SCN8A: variants seen among roughly 807,000 people sequenced by gnomAD.
SCN8A encodes sodium channel protein type 8 subunit alpha.
A neutral mutation model predicts 184.1 loss-of-function variants in SCN8A; 30 were observed. The observed-to-expected ratio is 0.16, with a 90% CI of 0.12 to 0.22. The LOEUF (loss-of-function observed/expected upper bound fraction) is 0.22. Among genes scored for constraint, SCN8A ranks in the 10% least tolerant of loss-of-function variants. The pLI, the probability that SCN8A is intolerant of heterozygous loss-of-function variation, is 1.00. For synonymous variants in SCN8A, 852 were observed against 907.0 expected (o/e 0.94, Z 1.09); for missense variants, 1,057 against 2,498.9 (o/e 0.42, Z 12.30).
chr12:51,688,914 T>C, intron 5 of SCN8A, 91 bp from the exon 6 acceptor site: 2 of 1,570,658 alleles, frequency 1.3e-6, no homozygotes. Context: ...ATTGTACTTT[T>C]TGTTTTGTTG....
intron 12 of SCN8A, among the ~76,000 whole-genome samples, chr12:51,741,927 CT>C: frequency 6.6e-6 from 1 of 152,142 alleles, no homozygotes; most frequent in East Asian, 1.9e-4. Flanking sequence ...TGGTCTCAAA[CT>C]TCTGACCTCA....
chr12:51,684,266 A>C lies in SCN8A; in HGVS notation c.369A>C (p.Arg123Ser). Residue 123 changes from arginine to serine, a missense_variant, in exon 3 of 27, where the codon AGA (arginine) becomes AGC (serine). Arg to Ser is a moderately radical substitution (Grantham distance 110). Transcript: ENST00000627620. Reference protein sequence around the residue: ...YILSPFNLIRRIAIKILIHSV... With the variant: ...YILSPFNLIRSIAIKILIHSV... Reference sequence around the variant, plus strand: ...TAAGTCCTTTTAACCTGATAAGAAGAATAGCTATTAAAATTTTGATACATT... The same window carrying C: ...TAAGTCCTTTTAACCTGATAAGAAGCATAGCTATTAAAATTTTGATACATT... The C allele has an allele frequency of 6.3e-7, 1 of 1,586,056 alleles. No homozygotes were observed. The highest frequency in any genetic ancestry group is 8.7e-7 in the Non-Finnish European group (1 of 1,154,494).
chr12:51,684,369 G>A (rs1941385378), intron 3 of SCN8A, 77 bp downstream of exon 3: 1 of 769,498 alleles, frequency 1.3e-6, no homozygotes. Context: ...TTTGACAACT[G>A]GATTATATGT....
chr12:51,668,782 C>G (rs1025899003), intron 2 of SCN8A, among the ~76,000 whole-genome samples: 2 of 152,174 alleles, frequency 1.3e-5, no homozygotes, highest in African/African-American at 2.4e-5. Flanking sequence ...CTTTCTACCA[C>G]TTGTTACTTT....
intron 6 of SCN8A, among the ~76,000 whole-genome samples, chr12:51,693,990 C>T (rs1294219347): frequency 3.9e-5 from 6 of 152,116 alleles, no homozygotes; most frequent in African/African-American, 7.2e-5. Context: ...TGGAGTGCAA[C>T]GGCCTGATCT....
At position 51,768,186 on chromosome 12, in the gene SCN8A, A is replaced by C. The variant is rs1942866657; in HGVS notation, c.2902-679A>C. ...CACTCCTAAAAAGTAAGTCTTAATA[A>C]AAATAAATTAATTAACCTTAATGTT... is the stretch of plus-strand genomic sequence containing the variant. On this transcript the variant is annotated intron_variant, in intron 16 of 26. Transcript: ENST00000627620. The C allele has an allele frequency of 2.0e-5, 3 of 152,232 alleles. No homozygotes were observed. The South Asian group carries it at 6.2e-4, about 32-fold the overall frequency. The allele number at this position is 152,232 out of a possible 1,614,324, so 9.4% of individuals were successfully genotyped here. A position where few individuals can be genotyped will look rare whatever the true frequency, so the allele number is the denominator to read the frequency against.
intron 26 of SCN8A, among the ~76,000 whole-genome samples, chr12:51,802,405 CA>C (rs35303376): frequency 0.18 from 27,123 of 152,172 alleles, 2,995 homozygotes; most frequent in Non-Finnish European, 0.25. Context: ...AGGGTCCTCC[CA>C]CACATCCCTA....
intron 12 of SCN8A, among the ~76,000 whole-genome samples, chr12:51,723,999 T>G (rs1942116709): frequency 6.6e-6 from 1 of 152,178 alleles, no homozygotes; most frequent in Admixed American, 6.5e-5. Context: ...ACCCTAATCT[T>G]CCGTGTGCCA....
chr12:51,696,736 A>G (rs1941598946), intron 6 of SCN8A, among the ~76,000 whole-genome samples: 1 of 152,118 alleles, frequency 6.6e-6, no homozygotes, highest in Non-Finnish European at 1.5e-5. Flanking sequence ...TTGATTTGAA[A>G]CACAATAGGT....
chr12:51,786,800 G>A lies in SCN8A; in HGVS notation c.4201G>A (p.Ala1401Thr), dbSNP rs775720133. The A allele has an allele frequency of 6.2e-7, 1 of 1,613,728 alleles. No homozygotes were observed. The highest frequency in any genetic ancestry group is 2.2e-5 in the East Asian group (1 of 44,886). ...NVKINFDNVGAGYLALLQVAT... is the reference protein window; with the variant it reads ...NVKINFDNVGTGYLALLQVAT... The stretch of plus-strand genomic sequence containing the variant: ...GAAGATCAACTTTGACAATGTTGGG[G>A]CAGGATACCTGGCCCTTCTTCAAGT... The change falls in exon 22 of 27, where the codon GCA becomes ACA. Residue 1401 changes from alanine (A) to threonine (T), a missense_variant. Physicochemically the swap from Ala to Thr is moderately conservative, Grantham distance 58 (BLOSUM62 0). This residue lies in a region of SCN8A where 37 missense variants were observed against 216.1 expected (regional missense o/e 0.17). Coordinates refer to ENST00000627620, the MANE Select transcript of SCN8A (RefSeq NM_001330260.2).
At chr12:51,754,873 A>G (rs1251155747) in intron 14 of SCN8A, among the ~76,000 whole-genome samples, 1 of 152,186 alleles carries the variant, frequency 6.6e-6, no homozygotes, top group East Asian at 1.9e-4. Context: ...ACCAGTTGGC[A>G]TGTAGCTTCC....
intron 1 of SCN8A, among the ~76,000 whole-genome samples, chr12:51,647,340 ACATGTAAGT>A (rs1940612772): frequency 6.6e-6 from 1 of 152,250 alleles, no homozygotes; most frequent in African/African-American, 2.4e-5. Flanking sequence ...GGGAAGACAT[ACATGTAAGT>A]CAACCAAGAG....
At chr12:51,685,765 G>T (rs1941409108) in intron 3 of SCN8A, among the ~76,000 whole-genome samples, 1 of 152,130 alleles carries the variant, frequency 6.6e-6, no homozygotes, top group Admixed American at 6.5e-5. Flanking sequence ...GGCTGGGTAT[G>T]ATGGCTCAGG....
At chr12:51,605,908 TG>T (rs1477418031) in intron 1 of SCN8A, among the ~76,000 whole-genome samples, 4 of 152,242 alleles carry the variant, frequency 2.6e-5, no homozygotes, top group African/African-American at 9.6e-5. Context: ...GAGAATTGTC[TG>T]TTCATGTCCT....
At chr12:51,665,409 T>C (rs1439968834) in intron 2 of SCN8A, among the ~76,000 whole-genome samples, 2 of 152,238 alleles carry the variant, frequency 1.3e-5, no homozygotes, top group Non-Finnish European at 2.9e-5. Flanking sequence ...ATAACTTTAA[T>C]AATTTTTTTT....
At chr12:51,746,064 G>C (rs370783899) in intron 13 of SCN8A, 29 bp downstream of exon 13, 12 of 1,556,826 alleles carry the variant, frequency 7.7e-6, no homozygotes, top group Non-Finnish European at 1.0e-5. Flanking sequence ...CAGTCCAACC[G>C]CTGAGATATA....
intron 13 of SCN8A, among the ~76,000 whole-genome samples, chr12:51,748,274 T>G (rs980895250): frequency 6.6e-6 from 1 of 152,194 alleles, no homozygotes; most frequent in African/African-American, 2.4e-5. Flanking sequence ...ATTAAAATAA[T>G]TATTATTTAA....
Position 51,806,151 on chromosome 12 carries a change from A to C in SCN8A, c.4796-131A>C. 2.4e-6 allele frequency: 2 copies of C among 847,238 alleles called. No individual in the cohort carries two copies. The highest frequency in any genetic ancestry group is 3.5e-6 in the Non-Finnish European group (2 of 572,058). 52.5% of individuals were successfully genotyped at this position (847,238 alleles called of 1,614,324 possible). The stretch of plus-strand genomic sequence containing the variant: ...CCAAAATGTCACTTTTTGAGAGTTC[A>C]GACTGAATAGTAAGGCACTTATTCT... On this transcript the variant is annotated intron_variant, in intron 26 of 26. Transcript: ENST00000627620. The surrounding 1 kb of genome is among the most constrained non-coding windows in gnomAD (Gnocchi z 8.7).
intron 6 of SCN8A, among the ~76,000 whole-genome samples, chr12:51,693,269 C>T (rs1941541023): frequency 2.0e-5 from 3 of 152,200 alleles, no homozygotes; most frequent in African/African-American, 7.2e-5. Context: ...TTGTATTTCT[C>T]CTTTTCCCAC....
Sources: allele counts gnomAD v4.1 joint callset (sites outside exome capture counted in the v4.1 genomes callset), GRCh38; gene constraint gnomAD v4.1.1; regional missense constraint gnomAD v4.1.1; non-coding constraint Gnocchi (gnomAD v3.1); transcripts MANE v1.5; gene names NCBI Gene and HGNC (gene_info 2026-07-23, HGNC 2026-07-21).